The following MRPL42 variants were observed in gnomAD, a reference collection of about 807,000 sequenced individuals.
MRPL42 encodes mitochondrial ribosomal protein L42.
Under a neutral mutation model 17.9 loss-of-function variants are expected in MRPL42, and 17 were observed. The observed-to-expected ratio is 0.95, with a 90% CI of 0.65 to 1.42. The LOEUF is 1.42. Ranked by LOEUF, MRPL42 falls within the 40% of genes most tolerant of loss-of-function variation. MRPL42 has a pLI of 0.00. For missense variants in MRPL42, 177 were observed against 175.2 expected (o/e 1.01, Z -0.06); for synonymous variants, 59 against 54.4 (o/e 1.08, Z -0.37).
chr12:93,499,940 G>C (rs2121276464), intron 5 of MRPL42, among the ~76,000 whole-genome samples: 1 of 152,226 alleles, frequency 6.6e-6, no homozygotes, highest in Admixed American at 6.5e-5. Context: ...AAATTAACTT[G>C]TGACCAACTT....
At chr12:93,481,965 C>T (rs1302474897) in intron 4 of MRPL42, among the ~76,000 whole-genome samples, 1 of 152,160 alleles carries the variant, frequency 6.6e-6, no homozygotes, top group Non-Finnish European at 1.5e-5. Context: ...CACATGACCA[C>T]CTCCCCTGCA....
chr12:93,495,839 T>A (rs7972715), intron 5 of MRPL42, among the ~76,000 whole-genome samples: 2 of 151,920 alleles, frequency 1.3e-5, no homozygotes, highest in Non-Finnish European at 1.5e-5. Context: ...AGCTGAACTC[T>A]GGAAATAAAA....
Position 93,475,298 on chromosome 12 carries a change from TAGAG to T in MRPL42, c.71-1653_71-1650del, listed in dbSNP as rs552737513. 1.8e-4 allele frequency among the ~76,000 whole-genome samples: 27 copies of T among 151,998 alleles called. No homozygotes were observed. The South Asian group carries it at 5.4e-3, about 30-fold the overall frequency. ...CCCGGCTAATTTTTTGTATTTTTAA[TAGAG>T]AGGGGGTTTCACCATGTTGGCCAGG... On this transcript the variant is annotated intron_variant, in intron 2 of 5. Transcript: ENST00000549982.
At position 93,501,253 on chromosome 12, in the gene MRPL42, T is replaced by G; in HGVS notation, c.*32T>G. The G allele has an allele frequency of 1.9e-6, 3 of 1,569,334 alleles. No individual in the cohort carries two copies. Among genetic ancestry groups the G allele is most frequent in the Non-Finnish European group, 2.6e-6 (3 of 1,158,248 alleles). On this transcript the variant is annotated 3_prime_UTR_variant, in exon 6 of 6. Coordinates refer to ENST00000549982, the MANE Select transcript of MRPL42 (RefSeq NM_014050.4). The stretch of plus-strand genomic sequence containing the variant: ...GGTTCCTGGGGGAATCAAAGAGAAA[T>G]GTGCCTCATTTGCCATTTGAGAAAA...
chr12:93,479,077 G>A (rs1309023536), intron 3 of MRPL42, among the ~76,000 whole-genome samples: 2 of 151,448 alleles, frequency 1.3e-5, no homozygotes, highest in African/African-American at 2.4e-5. Context: ...GACTACAGGT[G>A]TGTGCCACCA....
At chr12:93,485,000 A>ATATATG (rs1454936655) in intron 4 of MRPL42, among the ~76,000 whole-genome samples, 3 of 73,532 alleles carry the variant, frequency 4.1e-5, no homozygotes, top group East Asian at 6.9e-4. Context: ...ATATATATAT[A>ATATATG]TATATATATA....
Position 93,485,011 on chromosome 12 carries a change from T to TATACATATATATATATACACAC in MRPL42, c.220-2483_220-2482insCATATATATATATACACACATA, listed in dbSNP as rs1555201430. On this transcript the variant is annotated intron_variant, in intron 4 of 5. Transcript: ENST00000549982. ...ATATATATATATATATATATATATATATATATATATATATATAAACAGAGA... is the reference window on the plus strand; with the variant it reads ...ATATATATATATATATATATATATATATACATATATATATATACACACATATATATATATATATAAACAGAGA... Among the ~76,000 whole-genome samples, 5 of 63,522 alleles carry TATACATATATATATATACACAC rather than the reference T, an allele frequency of 7.9e-5. 1 individual carries two copies. Among genetic ancestry groups the TATACATATATATATATACACAC allele is most frequent in the Non-Finnish European group, 1.5e-4 (4 of 26,542 alleles). 41.7% of individuals were successfully genotyped at this position (63,522 alleles called of 152,430 possible).
intron 5 of MRPL42, 122 bp from the exon 6 acceptor site, chr12:93,501,054 C>CGTA (rs1247638047): frequency 9.9e-6 from 7 of 708,786 alleles, no homozygotes; most frequent in South Asian, 2.1e-5. Flanking sequence ...ATGGCTGATA[C>CGTA]GTAGTTTCAT....
chr12:93,485,845 T>A (rs766602528), intron 4 of MRPL42, among the ~76,000 whole-genome samples: 4 of 152,180 alleles, frequency 2.6e-5, no homozygotes, highest in Non-Finnish European at 5.9e-5. Context: ...GGTCTCACTC[T>A]TGCTCAGGCA....
At position 93,501,903 on chromosome 12, in the gene MRPL42, A is replaced by C. The variant is rs964102190; in HGVS notation, c.*682A>C. The C allele has an allele frequency of 2.3e-5, 3 of 131,394 alleles. No homozygotes were observed. Among genetic ancestry groups the C allele is most frequent in the African/African-American group, 7.7e-5 (3 of 39,172 alleles). The allele number at this position is 131,394 out of a possible 1,614,324, so 8.1% of individuals were successfully genotyped here. On this transcript the variant is annotated 3_prime_UTR_variant, in exon 6 of 6. Transcript: ENST00000549982. ...TAATTAAATTAGTGATATTTTAATC[A>C]GGTTTTACTATCTGCTAGGCCCCTT...
rs146944959 is a variant in MRPL42, at chr12:93,487,592, A to G, written c.315A>G (p.Glu105=). 3.5e-5 allele frequency: 56 copies of G among 1,613,348 alleles called. No individual in the cohort carries two copies. The African/African-American group carries it at 6.8e-4, about 20-fold the overall frequency. ...RLEEKVEHLE[E]GPMIEQLSKM... is the part of the protein sequence containing the mutation. ...AAGAAAAAGTTGAACACCTTGAGGA[A>G]GGACCTATGATAGAACAACTTAGCA... The change falls in exon 5 of 6, where the codon GAA becomes GAG. Residue 105 remains glutamate, a synonymous_variant. Transcript: ENST00000549982.
intron 4 of MRPL42, among the ~76,000 whole-genome samples, chr12:93,486,547 A>C (rs1204464213): frequency 6.6e-6 from 1 of 152,194 alleles, no homozygotes; most frequent in Non-Finnish European, 1.5e-5. Context: ...CATGTTGGCC[A>C]GGCTAGTCTT....
chr12:93,496,643 T>TA (rs35375116), intron 5 of MRPL42, among the ~76,000 whole-genome samples: 1,568 of 70,674 alleles, frequency 0.022, 96 homozygotes, highest in African/African-American at 0.083. Flanking sequence ...TCAGATTAGG[T>TA]AAAAAAAAAA....
chr12:93,471,289 G>T (rs1056229247), intron 2 of MRPL42, among the ~76,000 whole-genome samples: 2 of 151,834 alleles, frequency 1.3e-5, no homozygotes, highest in Admixed American at 1.3e-4. Context: ...TCAGCCTCCC[G>T]AGTAGCTGGG....
chr12:93,483,531 GA>G (rs1193500185), intron 4 of MRPL42, among the ~76,000 whole-genome samples: 1 of 152,086 alleles, frequency 6.6e-6, no homozygotes, highest in Non-Finnish European at 1.5e-5. Context: ...TTTAAACATA[GA>G]AAAGGCACAA....
rs1366541271 is a variant in MRPL42 at position 93,485,009 on chromosome 12, T to TACACAC, written c.220-2487_220-2486insCACACA. Among the ~76,000 whole-genome samples, 149 of 54,292 alleles carry TACACAC rather than the reference T, an allele frequency of 2.7e-3. 3 individuals carry two copies. The highest frequency in any genetic ancestry group is 8.9e-3 in the Middle Eastern group (1 of 112). 35.6% of individuals were successfully genotyped at this position (54,292 alleles called of 152,430 possible). ...ATATATATATATATATATATATATATATATATATATATATATATAAACAGA... is the reference window on the plus strand; with the variant it reads ...ATATATATATATATATATATATATATACACACATATATATATATATATATAAACAGA... On this transcript the variant is annotated intron_variant, in intron 4 of 5. Coordinates refer to ENST00000549982, the MANE Select transcript of MRPL42 (RefSeq NM_014050.4).
At chr12:93,482,861 C>G (rs761168150) in intron 4 of MRPL42, among the ~76,000 whole-genome samples, 1 of 151,460 alleles carries the variant, frequency 6.6e-6, no homozygotes, top group African/African-American at 2.4e-5. Context: ...GCCGGGCTTA[C>G]AAGCATGAGC....
chr12:93,491,895 C>T (rs919113398), intron 5 of MRPL42, among the ~76,000 whole-genome samples: 2 of 152,180 alleles, frequency 1.3e-5, no homozygotes, highest in Non-Finnish European at 2.9e-5. Context: ...TGTGTTAATT[C>T]GCTTAGGATA....
Position 93,486,440 on chromosome 12 carries a change from G to C in MRPL42, c.220-1057G>C, listed in dbSNP as rs538274947. On this transcript the variant is annotated intron_variant, in intron 4 of 5. Transcript: ENST00000549982. ...GCTCACTGCAACCTCTGCCTCCTGG[G>C]CTACAGCGATTCTCCTTCCTCAGCC... 1.6e-4 allele frequency among the ~76,000 whole-genome samples: 25 copies of C among 152,300 alleles called. No homozygotes were observed. In the South Asian group the frequency reaches 2.9e-3, roughly 18 times the overall value.
Sources: allele counts gnomAD v4.1 joint callset (sites outside exome capture counted in the v4.1 genomes callset), GRCh38; gene constraint gnomAD v4.1.1; transcripts MANE v1.5; gene names NCBI Gene and HGNC (gene_info 2026-07-23, HGNC 2026-07-21).